GRIN2A: variants seen among roughly 807,000 people sequenced by gnomAD.
The protein encoded by GRIN2A is glutamate receptor ionotropic, NMDA 2A.
In GRIN2A, 22 loss-of-function variants were observed where a neutral mutation model predicts 113.4. The observed-to-expected ratio is 0.19, with a 90% CI of 0.14 to 0.28. GRIN2A has a LOEUF of 0.28. Ranked by LOEUF, GRIN2A falls within the 10% of genes least tolerant of loss-of-function variation. The pLI is 1.00. For missense variants in GRIN2A, 1,502 were observed against 1,887.0 expected, an observed-to-expected ratio of 0.80 and a Z score of 3.78; for synonymous variants, 827 against 738.4, an observed-to-expected ratio of 1.12 and a Z score of -1.94.
chr16:9,815,468 A>T (rs1242120955), intron 10 of GRIN2A, among the ~76,000 whole-genome samples: 1 of 151,998 alleles, frequency 6.6e-6, no homozygotes, highest in Non-Finnish European at 1.5e-5. Flanking sequence ...TGGCCAAAAG[A>T]CTTGCATATC....
intron 3 of GRIN2A, among the ~76,000 whole-genome samples, chr16:9,902,584 A>T (rs2043949439): frequency 6.6e-6 from 1 of 152,204 alleles, no homozygotes; most frequent in African/African-American, 2.4e-5. Context: ...TCAACTGGTT[A>T]TTTGAACCAA....
chr16:9,971,112 T>G lies in GRIN2A; in HGVS notation c.415-32561A>C, dbSNP rs750865317. ...ACAAATAAGAGCAGACAGTATGAGG[T>G]GGGGTGAATTAAGGATGCCCACACT... On this transcript the variant is annotated intron_variant, in intron 2 of 12. Coordinates refer to ENST00000330684, the MANE Select transcript of GRIN2A (RefSeq NM_001134407.3). 1.3e-4 allele frequency among the ~76,000 whole-genome samples: 20 copies of G among 152,158 alleles called. No individual in the cohort carries two copies. The South Asian group carries it at 4.1e-3, about 32-fold the overall frequency.
chr16:9,794,706 G>A (rs1201666888), intron 11 of GRIN2A: 1 of 152,184 alleles, frequency 6.6e-6, no homozygotes, highest in Non-Finnish European at 1.5e-5. Context: ...AAATATCGAT[G>A]AGAACCTAGA....
At chr16:10,109,188 G>T (rs969315526) in intron 2 of GRIN2A, among the ~76,000 whole-genome samples, 3 of 151,832 alleles carry the variant, frequency 2.0e-5, no homozygotes, top group African/African-American at 7.3e-5. Context: ...ACAAATTCCT[G>T]GAAAGATACA....
chr16:10,170,235 T>G (rs1023071098), intron 2 of GRIN2A, among the ~76,000 whole-genome samples: 7 of 152,204 alleles, frequency 4.6e-5, no homozygotes, highest in African/African-American at 1.7e-4. Flanking sequence ...CCCAAGTGAG[T>G]TGGATGTGAT....
At chr16:9,824,538 C>T (rs983177482) in intron 9 of GRIN2A, among the ~76,000 whole-genome samples, 18 of 152,286 alleles carry the variant, frequency 1.2e-4, no homozygotes, top group African/African-American at 4.1e-4. Context: ...CTGGGTTGCA[C>T]AGTAACAGAG....
rs761655625 is a variant in GRIN2A, at chr16:10,180,662, C to A, written c.-18-233G>T. ...AATTCTCCATCCCCCAGCCCCTTCT[C>A]GCATCCAGCTTCCTCATCCCCTGTC... On this transcript the variant is annotated intron_variant, in intron 1 of 12. Coordinates refer to ENST00000330684, the MANE Select transcript of GRIN2A (RefSeq NM_001134407.3). The surrounding 1 kb of genome is among the most constrained non-coding windows in gnomAD (Gnocchi z 7.0). 2.4e-5 allele frequency: 16 copies of A among 662,950 alleles called. No homozygotes were observed. Among genetic ancestry groups the A allele is most frequent in the Non-Finnish European group, 1.0e-5 (4 of 397,170 alleles). 41.1% of individuals were successfully genotyped at this position (662,950 alleles called of 1,614,324 possible). A position where few individuals can be genotyped will look rare whatever the true frequency, so the allele number is the denominator to read the frequency against.
At chr16:10,015,027 G>A (rs1210519301) in intron 2 of GRIN2A, among the ~76,000 whole-genome samples, 1 of 151,996 alleles carries the variant, frequency 6.6e-6, no homozygotes, top group Non-Finnish European at 1.5e-5. Context: ...GCCAAGGTGG[G>A]CAGATTACCT....
chr16:9,946,345 G>T (rs1266077960), intron 2 of GRIN2A, among the ~76,000 whole-genome samples: 1 of 152,190 alleles, frequency 6.6e-6, no homozygotes, highest in East Asian at 1.9e-4. Context: ...TAAAGCCAGA[G>T]GGAAATCCTA....
intron 3 of GRIN2A, among the ~76,000 whole-genome samples, chr16:9,933,396 C>G (rs2044642904): frequency 6.6e-6 from 1 of 152,168 alleles, no homozygotes; most frequent in Non-Finnish European, 1.5e-5. Flanking sequence ...AGTGGCATGT[C>G]TAGCTGGCCC....
intron 2 of GRIN2A, among the ~76,000 whole-genome samples, chr16:9,951,973 G>A (rs2045194875): frequency 6.6e-6 from 1 of 152,114 alleles, no homozygotes; most frequent in African/African-American, 2.4e-5. Context: ...GACACTCACT[G>A]CCCAGTGACC....
chr16:9,810,622 A>G (rs2042068241), intron 10 of GRIN2A, among the ~76,000 whole-genome samples: 1 of 152,168 alleles, frequency 6.6e-6, no homozygotes, highest in South Asian at 2.1e-4. Flanking sequence ...CCACAAGCCA[A>G]GAAACACCTG....
intron 2 of GRIN2A, among the ~76,000 whole-genome samples, chr16:10,118,295 C>T (rs2048767292): frequency 6.6e-6 from 1 of 152,162 alleles, no homozygotes; most frequent in Admixed American, 6.5e-5. Context: ...TTCAGGTTCT[C>T]ATTTAGACTC....
intron 2 of GRIN2A, among the ~76,000 whole-genome samples, chr16:9,983,148 T>A (rs2045921714): frequency 6.6e-6 from 1 of 152,220 alleles, no homozygotes; most frequent in Admixed American, 6.5e-5. Flanking sequence ...TCTAGCTATT[T>A]AAAAATACAC....
intron 2 of GRIN2A, among the ~76,000 whole-genome samples, chr16:9,986,299 T>A (rs1395335179): frequency 6.6e-6 from 1 of 152,144 alleles, no homozygotes; most frequent in Non-Finnish European, 1.5e-5. Context: ...ATAATAAAAG[T>A]GAAAACAAAA....
chr16:10,094,041 A>T (rs1446211732), intron 2 of GRIN2A, among the ~76,000 whole-genome samples: 1 of 152,140 alleles, frequency 6.6e-6, no homozygotes, highest in Non-Finnish European at 1.5e-5. Flanking sequence ...AGGTTTCTAA[A>T]CAGGAAGCAT....
Position 9,764,530 on chromosome 16 carries a change from T to C in GRIN2A, c.3014A>G (p.Lys1005Arg). The C allele has an allele frequency of 4.3e-6, 7 of 1,614,014 alleles. No individual in the cohort carries two copies. Among genetic ancestry groups the C allele is most frequent in the Non-Finnish European group, 5.9e-6 (7 of 1,179,998 alleles). The change falls in exon 13 of 13, where the codon AAA (lysine) becomes AGA (arginine). Residue 1005 changes from lysine to arginine, a missense_variant. This residue lies in a region of GRIN2A where 832 missense variants were observed against 789.7 expected (regional missense o/e 1.05). Transcript: ENST00000330684. ...TVEVAVSTESKANSRPRQLWK... is the reference protein window; with the variant it reads ...TVEVAVSTESRANSRPRQLWK... ...CAGCTGCCGGGGTCTAGAGTTCGCT[T>C]TGGATTCTGTGCTCACGGCCACCTC...
intron 2 of GRIN2A, among the ~76,000 whole-genome samples, chr16:10,024,907 A>T (rs1567241340): frequency 6.6e-6 from 1 of 152,220 alleles, no homozygotes; most frequent in Non-Finnish European, 1.5e-5. Flanking sequence ...AATAAGCACT[A>T]AATTCAAAAC....
chr16:9,868,360 G>A (rs1183758086), intron 4 of GRIN2A, among the ~76,000 whole-genome samples: 2 of 152,046 alleles, frequency 1.3e-5, no homozygotes, highest in Admixed American at 1.3e-4. Context: ...TCCGCCTCCC[G>A]GGTTCGAGCG....
Sources: allele counts gnomAD v4.1 joint callset (sites outside exome capture counted in the v4.1 genomes callset), GRCh38; gene constraint gnomAD v4.1.1; regional missense constraint gnomAD v4.1.1; non-coding constraint Gnocchi (gnomAD v3.1); transcripts MANE v1.5; gene names NCBI Gene and HGNC (gene_info 2026-07-23, HGNC 2026-07-21).